XKR4: variants seen among roughly 807,000 people sequenced by gnomAD.
The protein encoded by XKR4 is XK related 4.
In XKR4, 12 loss-of-function variants were observed where a neutral mutation model predicts 53.9. The ratio of observed to expected loss-of-function variants is 0.22; its 90% CI spans 0.14 to 0.36. XKR4 has a LOEUF of 0.36. XKR4 is among the 10% of genes least tolerant of loss of function. XKR4 has a pLI of 1.00. For missense variants in XKR4, 799 were observed against 859.5 expected (o/e 0.93, Z 0.88); for synonymous variants, 354 against 362.4 (o/e 0.98, Z 0.26).
At chr8:55,197,981 C>T (rs747322113) in intron 1 of XKR4, among the ~76,000 whole-genome samples, 12 of 152,114 alleles carry the variant, frequency 7.9e-5, no homozygotes, top group Non-Finnish European at 1.5e-4. Flanking sequence ...TAAATAAATG[C>T]CCAGACTGAA....
chr8:55,229,162 C>T (rs1022994024), intron 1 of XKR4, among the ~76,000 whole-genome samples: 1 of 152,188 alleles, frequency 6.6e-6, no homozygotes, highest in Non-Finnish European at 1.5e-5. Flanking sequence ...TTAAATCCAT[C>T]CTGTTTGTAA....
chr8:55,283,345 A>C (rs754529694), intron 1 of XKR4, among the ~76,000 whole-genome samples: 2 of 152,212 alleles, frequency 1.3e-5, no homozygotes, highest in Non-Finnish European at 2.9e-5. Context: ...GCCCAATTTT[A>C]AATACCAGCT....
intron 1 of XKR4, among the ~76,000 whole-genome samples, chr8:55,106,768 TG>T (rs1218318264): frequency 1.3e-5 from 2 of 151,956 alleles, no homozygotes; most frequent in Non-Finnish European, 2.9e-5. Context: ...GATGGTAGAG[TG>T]GGGAGCATTT....
At chr8:55,397,755 A>G (rs1234853896) in intron 2 of XKR4, among the ~76,000 whole-genome samples, 3 of 152,110 alleles carry the variant, frequency 2.0e-5, no homozygotes, top group East Asian at 1.9e-4. Flanking sequence ...CCCTTCATCA[A>G]TGGTCTTCCA....
intron 2 of XKR4, among the ~76,000 whole-genome samples, chr8:55,390,616 G>A (rs1804431729): frequency 1.3e-5 from 2 of 152,198 alleles, no homozygotes; most frequent in South Asian, 4.1e-4. Context: ...TTTTGCTAAA[G>A]CTCAGTACTG....
chr8:55,298,581 A>C (rs773062277), intron 1 of XKR4, among the ~76,000 whole-genome samples: 2 of 152,148 alleles, frequency 1.3e-5, no homozygotes, highest in Non-Finnish European at 2.9e-5. Context: ...GAGGGAGGGC[A>C]GCAAGCCATT....
intron 2 of XKR4, among the ~76,000 whole-genome samples, chr8:55,465,678 C>T (rs1185862344): frequency 4.6e-5 from 7 of 152,074 alleles, no homozygotes; most frequent in African/African-American, 9.7e-5. Flanking sequence ...GCAAAAGAAA[C>T]CACCATCAGA....
chr8:55,369,367 AAGGGGAGGGGAGGGGAGGGG>A (rs1184594381), intron 2 of XKR4, among the ~76,000 whole-genome samples: 2 of 29,918 alleles, frequency 6.7e-5, no homozygotes, highest in Non-Finnish European at 5.8e-5. Context: ...AAGGGAAGGG[AAGGGGAGGGGAGGGGAGGGG>A]AGGGGAGGGG....
intron 1 of XKR4, among the ~76,000 whole-genome samples, chr8:55,250,771 A>G (rs2129369644): frequency 6.6e-6 from 1 of 152,370 alleles, no homozygotes; most frequent in Non-Finnish European, 1.5e-5. Context: ...TTCAATTAAA[A>G]TAGAAGTGAA....
At chr8:55,197,031 G>T (rs937954637) in intron 1 of XKR4, among the ~76,000 whole-genome samples, 1 of 152,114 alleles carries the variant, frequency 6.6e-6, no homozygotes, top group Non-Finnish European at 1.5e-5. Context: ...GGAGACAAGT[G>T]GGGAGAGAAA....
Position 55,523,642 on chromosome 8 carries a change from G to C in XKR4, c.1368G>C (p.Arg456Ser). The C allele has an allele frequency of 6.2e-7, 1 of 1,614,186 alleles. No homozygotes were observed. The highest frequency in any genetic ancestry group is 2.2e-5 in the East Asian group (1 of 44,884). The change falls in exon 3 of 3, where the codon AGG (arginine) becomes AGC (serine). Residue 456 changes from arginine (R) to serine (S), a missense_variant. By Grantham distance (110) the Arg-to-Ser change is moderately radical (BLOSUM62 -1). Coordinates refer to ENST00000327381, the MANE Select transcript of XKR4 (RefSeq NM_052898.2). Reference sequence around the variant, plus strand: ...TCAAGGAAGGCAGGACACGCTGCAGGCTATTCATTTACTATTTTGTGATCC... The same window carrying C: ...TCAAGGAAGGCAGGACACGCTGCAGCCTATTCATTTACTATTTTGTGATCC... ...FNVKEGRTRC[R>S]LFIYYFVILL...
chr8:55,465,213 A>G (rs997348823), intron 2 of XKR4, among the ~76,000 whole-genome samples: 1 of 152,212 alleles, frequency 6.6e-6, no homozygotes, highest in Non-Finnish European at 1.5e-5. Flanking sequence ...AGCTAGAGGC[A>G]TCATGCTACC....
At chr8:55,106,680 C>T (rs1187066384) in intron 1 of XKR4, among the ~76,000 whole-genome samples, 1 of 152,096 alleles carries the variant, frequency 6.6e-6, no homozygotes, top group African/African-American at 2.4e-5. Flanking sequence ...AAAACTCTAC[C>T]TGAATTTCTC....
chr8:55,454,116 G>A, intron 2 of XKR4: 1 of 837,918 alleles, frequency 1.2e-6, no homozygotes. Context: ...ATGGGTGGAG[G>A]GAAGGCGAGG....
chr8:55,224,424 G>A lies in XKR4; in HGVS notation c.806+121130G>A, dbSNP rs186903519. 3.3e-5 allele frequency among the ~76,000 whole-genome samples: 5 copies of A among 152,232 alleles called. No individual in the cohort carries two copies. The East Asian group carries it at 7.7e-4, about 24-fold the overall frequency. On this transcript the variant is annotated intron_variant, in intron 1 of 2. Transcript: ENST00000327381. ...TAAGATAGAAAATTAAATGATGTTT[G>A]GCTCTTGTGTAGTCTACAGAACAGA...
intron 2 of XKR4, among the ~76,000 whole-genome samples, chr8:55,408,699 G>A (rs967121230): frequency 2.0e-5 from 3 of 152,312 alleles, no homozygotes; most frequent in African/African-American, 7.2e-5. Flanking sequence ...GAAGGTAGCA[G>A]GGCCCCAGGC....
chr8:55,528,441 G>A lies in XKR4; in HGVS notation c.*4214G>A, dbSNP rs953033751. The A allele has an allele frequency of 6.6e-6, 1 of 152,200 alleles. No homozygotes were observed. The highest frequency in any genetic ancestry group is 6.5e-5 in the Admixed American group (1 of 15,280). The allele number at this position is 152,200 out of a possible 1,614,324, so 9.4% of individuals were successfully genotyped here. A position where few individuals can be genotyped will look rare whatever the true frequency, so the allele number is the denominator to read the frequency against. On this transcript the variant is annotated 3_prime_UTR_variant, in exon 3 of 3. Transcript: ENST00000327381. ...ATGCCGTTGATTGGAAACAAGTTCT[G>A]ACACAATGTTTAGACAAGAATCCAG...
intron 1 of XKR4, among the ~76,000 whole-genome samples, chr8:55,260,488 C>T (rs1174659789): frequency 6.6e-6 from 1 of 152,078 alleles, no homozygotes; most frequent in East Asian, 1.9e-4. Flanking sequence ...TTGCCTCACG[C>T]CAAGGAAATC....
chr8:55,517,941 C>T (rs2129405451), intron 2 of XKR4, among the ~76,000 whole-genome samples: 2 of 152,296 alleles, frequency 1.3e-5, no homozygotes, highest in South Asian at 4.1e-4. Context: ...GCCCTTCTCA[C>T]CAGCTGCAAT....
Sources: gnomAD v4.1 joint callset for allele counts (sites outside exome capture counted in the v4.1 genomes callset) on GRCh38, gnomAD v4.1.1 for gene constraint, MANE v1.5 for transcripts, NCBI Gene and HGNC (gene_info 2026-07-23, HGNC 2026-07-21) for gene names.